The following DPP6 variants were observed in gnomAD, a reference collection of about 807,000 sequenced individuals.
DPP6 encodes dipeptidyl peptidase like 6, also known as A-type potassium channel modulatory protein DPP6.
In DPP6, 69 loss-of-function variants were observed where a neutral mutation model predicts 122.6. The ratio of observed to expected loss-of-function variants is 0.56; its 90% CI spans 0.46 to 0.69. The LOEUF (loss-of-function observed/expected upper bound fraction) is 0.69. DPP6 is among the 30% of genes least tolerant of loss of function. The probability of loss-of-function intolerance (pLI) is 0.00; values close to 1 mark genes in which losing one functional copy is unlikely to be tolerated. For missense variants in DPP6, 928 were observed against 1,116.9 expected (o/e 0.83, Z 2.41); for synonymous variants, 418 against 433.1 (o/e 0.97, Z 0.43).
At chr7:154,434,076 G>C (rs1035115414) in intron 1 of DPP6, among the ~76,000 whole-genome samples, 2 of 152,156 alleles carry the variant, frequency 1.3e-5, no homozygotes, top group African/African-American at 4.8e-5. Flanking sequence ...ACAATTTAAA[G>C]ACATTGGGTC....
At chr7:154,363,064 C>A (rs1173626952) in intron 1 of DPP6, among the ~76,000 whole-genome samples, 1 of 152,152 alleles carries the variant, frequency 6.6e-6, no homozygotes. Flanking sequence ...TCCCCTCCAC[C>A]CATTGTTCTT....
At chr7:154,432,495 C>A (rs748459977) in intron 1 of DPP6, among the ~76,000 whole-genome samples, 7 of 152,152 alleles carry the variant, frequency 4.6e-5, no homozygotes, top group African/African-American at 1.7e-4. Flanking sequence ...TAGAGAGATT[C>A]TTTTCTCTTA....
intron 1 of DPP6, among the ~76,000 whole-genome samples, chr7:154,433,817 G>A (rs978037012): frequency 2.6e-5 from 4 of 152,158 alleles, no homozygotes; most frequent in South Asian, 4.1e-4. Context: ...TTACCTTCGC[G>A]TTTCCTTACA....
chr7:154,020,415 G>A (rs529367405), intron 1 of DPP6, among the ~76,000 whole-genome samples: 2 of 151,400 alleles, frequency 1.3e-5, no homozygotes, highest in Admixed American at 6.6e-5. Context: ...TTGTAGATCA[G>A]CGGATCCAAA....
At chr7:154,444,068 T>A (rs916118863) in intron 1 of DPP6, among the ~76,000 whole-genome samples, 1 of 152,186 alleles carries the variant, frequency 6.6e-6, no homozygotes, top group South Asian at 2.1e-4. Flanking sequence ...AAGAAGCACA[T>A]ATTAGCTTGC....
intron 1 of DPP6, among the ~76,000 whole-genome samples, chr7:154,016,183 C>A (rs572456897): frequency 6.6e-6 from 1 of 152,146 alleles, no homozygotes; most frequent in Admixed American, 6.5e-5. Flanking sequence ...TCTCTCCCCC[C>A]GCCACACAAT....
the DPP6 span, among the ~76,000 whole-genome samples, chr7:153,866,999 A>G: frequency 6.6e-6 from 1 of 152,042 alleles, no homozygotes; most frequent in East Asian, 1.9e-4. Flanking sequence ...GTTCTGTTCC[A>G]TTGGTCGATA....
chr7:154,129,385 A>G (rs1808191281), intron 1 of DPP6, among the ~76,000 whole-genome samples: 1 of 152,196 alleles, frequency 6.6e-6, no homozygotes, highest in Admixed American at 6.5e-5. Context: ...GTTCATTTTT[A>G]GAGGACAGAG....
intron 6 of DPP6, among the ~76,000 whole-genome samples, chr7:154,641,601 C>CT (rs2130942130): frequency 6.6e-6 from 1 of 152,194 alleles, no homozygotes; most frequent in African/African-American, 2.4e-5. Flanking sequence ...ATATTTATGT[C>CT]TATTATCTAT....
chr7:153,791,851 G>T, the DPP6 span, among the ~76,000 whole-genome samples: 1 of 152,232 alleles, frequency 6.6e-6, no homozygotes, highest in South Asian at 2.1e-4. Flanking sequence ...ATGAGAGGGA[G>T]ACAAGGCTAT....
rs1303696322 is a variant in DPP6 at position 154,618,345 on chromosome 7, T to C, written c.628-19476T>C. Among the ~76,000 whole-genome samples, 3 of 152,134 alleles carry C rather than the reference T, an allele frequency of 2.0e-5. No individual in the cohort carries two copies. The highest frequency in any genetic ancestry group is 4.4e-5 in the Non-Finnish European group (3 of 68,014). ...TCACTGAGCGGGTGAACGGAGCTGT[T>C]TGAACTGAGGTCTCAGGGAGACCAG... On this transcript the variant is annotated intron_variant, in intron 5 of 25. Coordinates refer to ENST00000377770, the MANE Select transcript of DPP6 (RefSeq NM_130797.4). This position sits in a 1 kb window ranked among gnomAD's most constrained non-coding sequence, Gnocchi z 4.1.
Position 154,772,824 on chromosome 7 carries a change from CT to C in DPP6, c.1039-20del. ...TGTATAAGGCTGCTTGTTCATGTCT[CT>C]GCCCCTTTTTAATCCCCAGGCTGGA... On this transcript the variant is annotated intron_variant, in intron 9 of 25. Transcript: ENST00000377770. The C allele has an allele frequency of 6.2e-7, 1 of 1,607,580 alleles. No homozygotes were observed.
chr7:153,936,936 T>C (rs1337143893), intron 1 of DPP6, among the ~76,000 whole-genome samples: 4 of 151,992 alleles, frequency 2.6e-5, no homozygotes, highest in Non-Finnish European at 5.9e-5. Context: ...GCAGCCAGAG[T>C]GGACTCACCC....
chr7:153,945,783 G>A (rs1268859341), intron 1 of DPP6, among the ~76,000 whole-genome samples: 3 of 152,190 alleles, frequency 2.0e-5, no homozygotes, highest in Admixed American at 6.5e-5. Context: ...GGTTTGGGCC[G>A]AGCAGCTTCC....
chr7:154,559,580 G>A (rs1361948947), intron 4 of DPP6, among the ~76,000 whole-genome samples: 2 of 152,016 alleles, frequency 1.3e-5, no homozygotes, highest in Non-Finnish European at 2.9e-5. Context: ...GTGACAAATA[G>A]AACATCTTAA....
At chr7:154,497,748 G>T (rs1413887881) in intron 3 of DPP6, among the ~76,000 whole-genome samples, 1 of 152,100 alleles carries the variant, frequency 6.6e-6, no homozygotes, top group Non-Finnish European at 1.5e-5. Flanking sequence ...AAATTGGCAT[G>T]CATTTCCTGA....
At chr7:154,060,331 G>T (rs1381220362) in intron 1 of DPP6, among the ~76,000 whole-genome samples, 1 of 126,224 alleles carries the variant, frequency 7.9e-6, no homozygotes. Flanking sequence ...ATCGCAGGAG[G>T]GGGAGGCACC....
chr7:153,918,555 A>T (rs1333764542), intron 1 of DPP6, among the ~76,000 whole-genome samples: 1 of 134,940 alleles, frequency 7.4e-6, no homozygotes, highest in Admixed American at 7.5e-5. Flanking sequence ...ACACACACAC[A>T]CACACACACA....
At chr7:154,495,655 G>T (rs920484736) in intron 3 of DPP6, among the ~76,000 whole-genome samples, 2 of 152,148 alleles carry the variant, frequency 1.3e-5, no homozygotes, top group African/African-American at 4.8e-5. Flanking sequence ...CTCCCAAAGT[G>T]CTGGGATTAC....
Sources: allele counts gnomAD v4.1 joint callset (sites outside exome capture counted in the v4.1 genomes callset), GRCh38; gene constraint gnomAD v4.1.1; non-coding constraint Gnocchi (gnomAD v3.1); transcripts MANE v1.5; gene names NCBI Gene and HGNC (gene_info 2026-07-23, HGNC 2026-07-21).